The following CTR9 variants were observed in gnomAD, a reference collection of about 807,000 sequenced individuals.
The protein encoded by CTR9 is RNA polymerase-associated protein CTR9 homolog.
In CTR9, 41 loss-of-function variants were observed where a neutral mutation model predicts 152.1. That is an observed-to-expected ratio of 0.27 (90% CI 0.21 to 0.35). CTR9 has a LOEUF of 0.35. Among genes scored for constraint, CTR9 ranks in the 10% least tolerant of loss-of-function variants. The pLI is 1.00. For synonymous variants in CTR9, 476 were observed against 496.2 expected, an observed-to-expected ratio of 0.96 and a Z score of 0.54; for missense variants, 917 against 1,424.4, an observed-to-expected ratio of 0.64 and a Z score of 5.73.
At chr11:10,777,370 C>T (rs1347851048) in intron 24 of CTR9, among the ~76,000 whole-genome samples, 1 of 151,236 alleles carries the variant, frequency 6.6e-6, no homozygotes, top group Non-Finnish European at 1.5e-5. Flanking sequence ...GCCTGGGCAG[C>T]AAGTGAGACA....
chr11:10,763,301 C>G, intron 7 of CTR9, 130 bp from the exon 8 acceptor site: 1 of 689,426 alleles, frequency 1.5e-6, no homozygotes, highest in South Asian at 1.7e-5. Context: ...TGTTATAGCA[C>G]TGAAAGGCAA....
chr11:10,778,828 A>C lies in CTR9; in HGVS notation c.3245A>C (p.Asp1082Ala). ...SPRRPRRQRS[D>A]QDSDSDQPSR... Reference sequence around the variant, plus strand: ...CGGAGGCCACGAAGACAGCGGTCAGATCAGGACTCAGACAGTGACCAGCCA... The same window carrying C: ...CGGAGGCCACGAAGACAGCGGTCAGCTCAGGACTCAGACAGTGACCAGCCA... Residue 1082 changes from aspartate (D) to alanine (A), a missense_variant, in exon 25 of 25, where the codon GAT (aspartate) becomes GCT (alanine). By Grantham distance (126) the Asp-to-Ala change is moderately radical. Coordinates refer to ENST00000361367, the MANE Select transcript of CTR9 (RefSeq NM_014633.5). 1 of 1,614,242 alleles carries C rather than the reference A, an allele frequency of 6.2e-7. No homozygotes were observed. Among genetic ancestry groups the C allele is most frequent in the Middle Eastern group, 1.6e-4 (1 of 6,062 alleles).
Position 10,771,593 on chromosome 11 carries a change from G to A in CTR9, c.2421G>A (p.Leu807=). Residue 807 remains leucine (L), a synonymous_variant, in exon 19 of 25, where the codon TTG becomes TTA. Coordinates refer to ENST00000361367, the MANE Select transcript of CTR9 (RefSeq NM_014633.5). ...SKVGDKMRFD[L]ALAATEARQC... ...TGGGAGATAAAATGAGATTTGATTT[G>A]GCCCTTGCTGCTACAGAAGCCAGGT... 1 of 1,612,600 alleles carries A rather than the reference G, an allele frequency of 6.2e-7. No homozygotes were observed. The highest frequency in any genetic ancestry group is 8.5e-7 in the Non-Finnish European group (1 of 1,178,746).
In CTR9 at chr11:10,764,126, G is replaced by A. The variant is rs1863020895; in HGVS notation, c.1209G>A (p.Lys403=). The A allele has an allele frequency of 6.2e-7, 1 of 1,613,936 alleles. No individual in the cohort carries two copies. The highest frequency in any genetic ancestry group is 1.3e-5 in the African/African-American group (1 of 74,900). ...TTTTATCCCAGGGCCATTTGAAGAA[G>A]GTCACAGAACAGTATCCCGATGATG... ...KRDIAKGHLK[K]VTEQYPDDVE... The change falls in exon 10 of 25, where the codon AAG becomes AAA. Residue 403 remains lysine, a synonymous_variant. Coordinates refer to ENST00000361367, the MANE Select transcript of CTR9 (RefSeq NM_014633.5).
At chr11:10,776,995 AAG>A (rs1554946207) in intron 24 of CTR9, among the ~76,000 whole-genome samples, 2 of 151,326 alleles carry the variant, frequency 1.3e-5, no homozygotes, top group Admixed American at 6.6e-5. Context: ...AAAAAAAAAA[AAG>A]CTCACATTAT....
intron 1 of CTR9, 33 bp from the exon 2 acceptor site, chr11:10,752,639 A>G (rs750362295): frequency 2.1e-6 from 3 of 1,444,774 alleles, no homozygotes; most frequent in Non-Finnish European, 2.9e-6. Flanking sequence ...TTTAAAGTGG[A>G]ATAAGAGTTA....
chr11:10,778,951 C>T lies in CTR9; in HGVS notation c.3368C>T (p.Pro1123Leu), dbSNP rs1863287062. The T allele has an allele frequency of 1.2e-6, 2 of 1,614,124 alleles. No individual in the cohort carries two copies. Among genetic ancestry groups the T allele is most frequent in the Non-Finnish European group, 1.7e-6 (2 of 1,180,028 alleles). Residue 1123 changes from proline to leucine, a missense_variant, in exon 25 of 25, where the codon CCA (proline) becomes CTA (leucine). Physicochemically the swap from Pro to Leu is moderately conservative, Grantham distance 98. Transcript: ENST00000361367. ...GGAGTTTCTGAGAACGACTCTCGCC[C>T]AGCTTCTCCAAGTGCCGAATCAGAT... ...HSGVSENDSR[P>L]ASPSAESDHE... is the part of the protein sequence containing the mutation.
intron 7 of CTR9, among the ~76,000 whole-genome samples, chr11:10,762,381 T>C (rs1173902179): frequency 1.3e-5 from 2 of 152,224 alleles, no homozygotes; most frequent in African/African-American, 2.4e-5. Context: ...TAAAGGTATC[T>C]ACTCATTTAT....
intron 1 of CTR9, among the ~76,000 whole-genome samples, chr11:10,751,970 C>T (rs936075587): frequency 6.6e-6 from 1 of 152,134 alleles, no homozygotes; most frequent in Admixed American, 6.5e-5. Context: ...ATTTAGCCGC[C>T]CCTGTGTGCT....
chr11:10,770,697 C>T, intron 18 of CTR9, 65 bp downstream of exon 18: 4 of 1,436,686 alleles, frequency 2.8e-6, no homozygotes, highest in Non-Finnish European at 3.7e-6. Flanking sequence ...CCATCTTGAA[C>T]TCTCCCGATT....
rs1436909317 is a variant in CTR9, at chr11:10,770,266, T to C, written c.2166T>C (p.Tyr722=). The change falls in exon 17 of 25, where the codon TAT becomes TAC. Residue 722 remains tyrosine (Y), a synonymous_variant. Transcript: ENST00000361367. ...ACCAAAACACTGAAGTTGTACTCTA[T>C]TTGGCCCGGGCCCTCTTCAAGTGTG... ...YKHQNTEVVL[Y]LARALFKCGK... 1 of 1,614,106 alleles carries C rather than the reference T, an allele frequency of 6.2e-7. No homozygotes were observed. Among genetic ancestry groups the C allele is most frequent in the Non-Finnish European group, 8.5e-7 (1 of 1,179,984 alleles).
At position 10,767,670 on chromosome 11, in the gene CTR9, GAA is replaced by G; in HGVS notation, c.1687-134_1687-133del. ...TTGGATTGCCATGCAAAAAAAAAAA[GAA>G]AGAAAGAAAAGAAAGAAAACCACTG... On this transcript the variant is annotated intron_variant, in intron 13 of 24. Transcript: ENST00000361367. The surrounding 1 kb of genome is among the most constrained non-coding windows in gnomAD (Gnocchi z 4.0). 1.4e-6 allele frequency: 1 copy of G among 718,170 alleles called. No individual in the cohort carries two copies. The highest frequency in any genetic ancestry group is 2.2e-6 in the Non-Finnish European group (1 of 446,930). The allele number at this position is 718,170 out of a possible 1,614,324, so 44.5% of individuals were successfully genotyped here. A position where few individuals can be genotyped will look rare whatever the true frequency, so the allele number is the denominator to read the frequency against.
intron 6 of CTR9, among the ~76,000 whole-genome samples, chr11:10,761,184 A>G (rs181253866): frequency 7.0e-4 from 107 of 152,272 alleles, no homozygotes; most frequent in African/African-American, 2.4e-3. Flanking sequence ...CGTTCCTCCA[A>G]TTGTGATAAC....
chr11:10,755,846 C>T, intron 4 of CTR9, 51 bp downstream of exon 4: 5 of 1,071,976 alleles, frequency 4.7e-6, no homozygotes, highest in Non-Finnish European at 4.3e-6. Context: ...CAGCATATGC[C>T]TAGAATATAT....
At chr11:10,756,933 T>C in intron 5 of CTR9, 95 bp downstream of exon 5, 2 of 892,314 alleles carry the variant, frequency 2.2e-6, no homozygotes, top group Non-Finnish European at 1.8e-6. Context: ...TGAAAAGATA[T>C]TGTTGGATTA....
intron 12 of CTR9, among the ~76,000 whole-genome samples, chr11:10,765,651 G>A (rs1027030298): frequency 2.0e-5 from 3 of 152,084 alleles, no homozygotes; most frequent in Non-Finnish European, 4.4e-5. Flanking sequence ...TAGTAGAGGT[G>A]GGGTTTTGCT....
chr11:10,764,643 C>T lies in CTR9; in HGVS notation c.1509C>T (p.Leu503=). Residue 503 remains leucine, a synonymous_variant, in exon 12 of 25, where the codon CTC becomes CTT. Transcript: ENST00000361367. ...TTTCCGTTACCACGTCATATAATCT[C>T]GCCAGGCTATATGAGGCGATGTGTG... The part of the protein sequence containing the change: ...NAISVTTSYN[L]ARLYEAMCEF... The T allele has an allele frequency of 1.9e-6, 3 of 1,613,492 alleles. No individual in the cohort carries two copies. The highest frequency in any genetic ancestry group is 1.1e-5 in the South Asian group (1 of 91,028).
Position 10,767,877 on chromosome 11 carries a change from G to A in CTR9, c.1758G>A (p.Lys586=). 1.2e-6 allele frequency: 2 copies of A among 1,614,084 alleles called. No individual in the cohort carries two copies. The highest frequency in any genetic ancestry group is 2.2e-5 in the South Asian group (2 of 91,066). ...LAKQEWGPGQ[K]KFERILKQPS... ...AACAAGAATGGGGTCCTGGGCAGAA[G>A]AAGTTTGAGAGGATATTAAAACAGC... is the stretch of plus-strand genomic sequence containing the variant. The change falls in exon 14 of 25, where the codon AAG becomes AAA. Residue 586 remains lysine, a synonymous_variant. Coordinates refer to ENST00000361367, the MANE Select transcript of CTR9 (RefSeq NM_014633.5). This position sits in a 1 kb window ranked among gnomAD's most constrained non-coding sequence, Gnocchi z 4.0.
chr11:10,777,036 C>T (rs907684863), intron 24 of CTR9, among the ~76,000 whole-genome samples: 3 of 143,448 alleles, frequency 2.1e-5, no homozygotes, highest in Non-Finnish European at 3.0e-5. Context: ...TGTAAATTTG[C>T]ATTATTGTTC....
Sources: allele counts gnomAD v4.1 joint callset (sites outside exome capture counted in the v4.1 genomes callset), GRCh38; gene constraint gnomAD v4.1.1; non-coding constraint Gnocchi (gnomAD v3.1); transcripts MANE v1.5; gene names NCBI Gene and HGNC (gene_info 2026-07-23, HGNC 2026-07-21).